Variants in PLD5 observed in about 807,000 individuals in gnomAD.
The protein encoded by PLD5 is inactive phospholipase D5.
A neutral mutation model predicts 61.1 loss-of-function variants in PLD5; 36 were observed. The observed-to-expected ratio is 0.59, with a 90% CI of 0.45 to 0.78. PLD5 has a LOEUF of 0.78. Ranked by LOEUF, PLD5 falls within the 30% of genes least tolerant of loss-of-function variation. The pLI, the probability that PLD5 is intolerant of heterozygous loss-of-function variation, is 0.00. For missense variants in PLD5, 515 were observed against 644.4 expected, an observed-to-expected ratio of 0.80 and a Z score of 2.17; for synonymous variants, 243 against 242.8, an observed-to-expected ratio of 1.00 and a Z score of -0.01.
At chr1:242,131,960 G>A (rs1476608645) in intron 5 of PLD5, among the ~76,000 whole-genome samples, 2 of 147,988 alleles carry the variant, frequency 1.4e-5, no homozygotes, top group South Asian at 2.2e-4. Context: ...TCAGCCTCCC[G>A]AGTAGCTGGT....
intron 9 of PLD5, among the ~76,000 whole-genome samples, chr1:242,096,959 C>A (rs57929768): frequency 7.3e-6 from 1 of 136,522 alleles, no homozygotes; most frequent in African/African-American, 2.7e-5. Context: ...TCTGTGTGTT[C>A]TCATTTTTCA....
chr1:242,135,769 C>T (rs1357964584), intron 5 of PLD5, among the ~76,000 whole-genome samples: 1 of 152,118 alleles, frequency 6.6e-6, no homozygotes, highest in Non-Finnish European at 1.5e-5. Flanking sequence ...GAGATCCACC[C>T]TCTCACTCTC....
At chr1:242,512,182 A>C (rs144014877) in intron 1 of PLD5, among the ~76,000 whole-genome samples, 29 of 151,280 alleles carry the variant, frequency 1.9e-4, no homozygotes, top group East Asian at 5.9e-4. Flanking sequence ...GAGGCCAAGG[A>C]GGGCAGATCA....
At chr1:242,319,070 A>T (rs562483348) in intron 2 of PLD5, among the ~76,000 whole-genome samples, 3 of 152,158 alleles carry the variant, frequency 2.0e-5, no homozygotes, top group African/African-American at 7.2e-5. Context: ...CTCCTCGAAC[A>T]TGGGGGCTTC....
At chr1:242,390,778 C>T (rs189335697) in intron 1 of PLD5, among the ~76,000 whole-genome samples, 32 of 152,262 alleles carry the variant, frequency 2.1e-4, no homozygotes, top group Non-Finnish European at 4.0e-4. Context: ...AGACTATGTT[C>T]TTCCTAACAA....
intron 5 of PLD5, among the ~76,000 whole-genome samples, chr1:242,197,691 A>G (rs1159445715): frequency 6.6e-6 from 1 of 150,854 alleles, no homozygotes; most frequent in Non-Finnish European, 1.5e-5. Context: ...CTGGAATGCA[A>G]TGATGCGATC....
At chr1:242,200,889 C>A (rs187182650) in intron 5 of PLD5, among the ~76,000 whole-genome samples, 1 of 152,146 alleles carries the variant, frequency 6.6e-6, no homozygotes, top group Non-Finnish European at 1.5e-5. Context: ...ACATGTTATG[C>A]GTGTGTTTGG....
chr1:242,187,922 T>A (rs951524609), intron 5 of PLD5, among the ~76,000 whole-genome samples: 18 of 152,120 alleles, frequency 1.2e-4, no homozygotes, highest in Admixed American at 9.8e-4. Flanking sequence ...GGAGTGAAAC[T>A]GAGGAGAGCT....
chr1:242,091,838 T>TC (rs1659857538), intron 9 of PLD5, among the ~76,000 whole-genome samples: 1 of 150,734 alleles, frequency 6.6e-6, no homozygotes, highest in Admixed American at 6.6e-5. Flanking sequence ...TTTTCTTTTT[T>TC]TTTTTTTTTG....
At chr1:242,267,840 C>T (rs1411367731) in intron 3 of PLD5, among the ~76,000 whole-genome samples, 1 of 148,854 alleles carries the variant, frequency 6.7e-6, no homozygotes. Flanking sequence ...ATGATTGTGC[C>T]ACTGCACACC....
intron 4 of PLD5, among the ~76,000 whole-genome samples, chr1:242,225,781 G>T (rs972017422): frequency 5.3e-5 from 8 of 152,222 alleles, no homozygotes; most frequent in Admixed American, 2.0e-4. Flanking sequence ...TTCTCCAGTT[G>T]AGAAACATTT....
chr1:242,433,562 A>G (rs1400493922), intron 1 of PLD5, among the ~76,000 whole-genome samples: 1 of 152,210 alleles, frequency 6.6e-6, no homozygotes, highest in Non-Finnish European at 1.5e-5. Flanking sequence ...TATTTATCGA[A>G]TACCCACTAT....
chr1:242,506,393 T>C (rs2102995700), intron 1 of PLD5, among the ~76,000 whole-genome samples: 1 of 152,276 alleles, frequency 6.6e-6, no homozygotes, highest in South Asian at 2.1e-4. Flanking sequence ...GAAGATGAAC[T>C]TCCCAGACAG....
intron 4 of PLD5, among the ~76,000 whole-genome samples, chr1:242,233,896 G>C (rs1051168650): frequency 1.3e-5 from 2 of 152,126 alleles, no homozygotes; most frequent in African/African-American, 4.8e-5. Flanking sequence ...AATGTACTGG[G>C]GCGGAAAAGG....
chr1:242,359,420 T>A (rs1224212656), intron 1 of PLD5, among the ~76,000 whole-genome samples: 4 of 152,148 alleles, frequency 2.6e-5, no homozygotes, highest in African/African-American at 7.2e-5. Context: ...AATGGGGAAT[T>A]TTATTTAGTT....
chr1:242,282,705 A>G (rs1272688162), intron 3 of PLD5, among the ~76,000 whole-genome samples: 18 of 152,076 alleles, frequency 1.2e-4, no homozygotes, highest in Non-Finnish European at 4.4e-5. Flanking sequence ...AGGTAGCTCT[A>G]CTAATGAGCC....
intron 5 of PLD5, among the ~76,000 whole-genome samples, chr1:242,155,169 A>G (rs2217881): frequency 0.84 from 128,148 of 152,152 alleles, 54,457 homozygotes; most frequent in African/African-American, 0.95. Context: ...ATGGTAACTT[A>G]TATTTCTTTG....
At chr1:242,172,290 CGAAAT>C (rs1558303529) in intron 5 of PLD5, among the ~76,000 whole-genome samples, 1 of 152,028 alleles carries the variant, frequency 6.6e-6, no homozygotes, top group Non-Finnish European at 1.5e-5. Flanking sequence ...GGGTAAATAA[CGAAAT>C]GAAGGCAGAA....
chr1:242,524,288 C>A lies in PLD5; in HGVS notation c.-12G>T. ...TGCCGGATCTCCATCCTGACATGAC[C>A]GGGCGGCCGCCGGCGAGCAGCGGAC... On this transcript the variant is annotated 5_prime_UTR_variant, in exon 1 of 10. Coordinates refer to ENST00000536534, the MANE Select transcript of PLD5 (RefSeq NM_001372062.1). 7.2e-7 allele frequency: 1 copy of A among 1,389,922 alleles called. No individual in the cohort carries two copies. The highest frequency in any genetic ancestry group is 9.3e-7 in the Non-Finnish European group (1 of 1,077,842). The allele number at this position is 1,389,922 out of a possible 1,614,324, so 86.1% of individuals were successfully genotyped here. A position where few individuals can be genotyped will look rare whatever the true frequency, so the allele number is the denominator to read the frequency against.
Sources: gnomAD v4.1 joint callset for allele counts (sites outside exome capture counted in the v4.1 genomes callset) on GRCh38, gnomAD v4.1.1 for gene constraint, MANE v1.5 for transcripts, NCBI Gene and HGNC (gene_info 2026-07-23, HGNC 2026-07-21) for gene names.